Variants in QRICH2 observed in about 807,000 individuals in gnomAD.
QRICH2 encodes glutamine-rich protein 2.
A neutral mutation model predicts 168.3 loss-of-function variants in QRICH2; 119 were observed. The observed-to-expected ratio is 0.71, with a 90% confidence interval of 0.61 to 0.82. The LOEUF is 0.82. Ranked by LOEUF, QRICH2 falls within the 40% of genes least tolerant of loss-of-function variation. QRICH2 has a pLI of 0.00. For synonymous variants in QRICH2, 894 were observed against 951.2 expected (o/e 0.94, Z 1.11); for missense variants, 2,241 against 2,491.6 (o/e 0.90, Z 2.14).
At chr17:76,277,054 G>T in intron 16 of QRICH2, 109 bp downstream of exon 16, 2 of 1,205,900 alleles carry the variant, frequency 1.7e-6, no homozygotes, top group Non-Finnish European at 2.3e-6. Context: ...TTAAGGAATT[G>T]CCTCAAGGCA....
chr17:76,305,019 GCA>G (rs113070211), intron 1 of QRICH2, 78 bp from the exon 2 acceptor site: 10 of 923,700 alleles, frequency 1.1e-5, no homozygotes, highest in Middle Eastern at 2.1e-4. Flanking sequence ...ACACAGATGC[GCA>G]CACACACTCT....
In QRICH2 at chr17:76,292,851, CCA is replaced by C; in HGVS notation, c.1874_1875del (p.Met625ArgfsTer10). On this transcript the variant is annotated frameshift_variant, in exon 4 of 19. Transcript: ENST00000680821. LOFTEE classifies it high-confidence loss of function. ...CCAGGTTGGGCCAAACCAGACTGAT[CCA>C]TTCCAGGCCAGACCAAACCACGCTG... is the stretch of plus-strand genomic sequence containing the variant. ...ADQRGLVWPG[M>X]DQSGLAQPGR... 6.2e-7 allele frequency: 1 copy of C among 1,603,496 alleles called. No homozygotes were observed. Among genetic ancestry groups the C allele is most frequent in the African/African-American group, 1.5e-5 (1 of 66,314 alleles).
Position 76,282,038 on chromosome 17 carries a change from G to A in QRICH2, c.4089C>T (p.His1363=), listed in dbSNP as rs766772817. 1.9e-6 allele frequency: 3 copies of A among 1,613,702 alleles called. No individual in the cohort carries two copies. Among genetic ancestry groups the A allele is most frequent in the Non-Finnish European group, 2.5e-6 (3 of 1,179,802 alleles). Residue 1363 remains histidine (H), a synonymous_variant, in exon 8 of 19, where the codon CAC becomes CAT. Coordinates refer to ENST00000680821, the MANE Select transcript of QRICH2 (RefSeq NM_001388453.1). ...STLLSMSMAP[H]KAHTLAPGQI... The stretch of plus-strand genomic sequence containing the variant: ...GGCCAGGAGCCAAGGTGTGGGCCTT[G>A]TGCGGGGCCATGCTCATGGACAGGA...
At chr17:76,282,197 CTGTG>C in intron 7 of QRICH2, 82 bp from the exon 8 acceptor site, 1 of 1,482,428 alleles carries the variant, frequency 6.7e-7, no homozygotes, top group African/African-American at 1.4e-5. Flanking sequence ...TGCCCCTAGC[CTGTG>C]TGCCTCTCCC....
In QRICH2 at chr17:76,280,806, T is replaced by A. The variant is rs1353538211; in HGVS notation, c.4386+25A>T. On this transcript the variant is annotated intron_variant, in intron 9 of 18. Transcript: ENST00000680821. The surrounding 1 kb of genome is among the most constrained non-coding windows in gnomAD (Gnocchi z 7.4). ...GGCACCACATTGAGCCCCGGCCCCA[T>A]CCCAGCCACCCTGCGGCCGCTCACA... is the stretch of plus-strand genomic sequence containing the variant. 6.2e-7 allele frequency: 1 copy of A among 1,613,976 alleles called. No homozygotes were observed.
At chr17:76,295,171 A>G (rs1313946607) in intron 3 of QRICH2, among the ~76,000 whole-genome samples, 1 of 152,002 alleles carries the variant, frequency 6.6e-6, no homozygotes, top group Non-Finnish European at 1.5e-5. Context: ...AGTCATGAGA[A>G]TCGCCTGAAC....
In QRICH2 at chr17:76,287,694, ACAGTGGT is replaced by A. The variant is rs1434188663; in HGVS notation, c.3896+99_3896+105del. The stretch of plus-strand genomic sequence containing the variant: ...AGAGCAGACACAATCCAGGTCAAAG[ACAGTGGT>A]CCATTCAGGGGCATAAGGGAGCCAC... On this transcript the variant is annotated intron_variant, in intron 6 of 18. Transcript: ENST00000680821. The A allele has an allele frequency of 6.2e-6, 5 of 809,302 alleles. No individual in the cohort carries two copies. In the African/African-American group the frequency reaches 6.7e-5, roughly 11 times the overall value. 50.1% of individuals were successfully genotyped at this position (809,302 alleles called of 1,614,324 possible).
chr17:76,305,828 T>C (rs975360201), intron 1 of QRICH2, among the ~76,000 whole-genome samples: 1 of 152,150 alleles, frequency 6.6e-6, no homozygotes, highest in African/African-American at 2.4e-5. Context: ...TAAAACAAGT[T>C]ACTTTTTATA....
chr17:76,292,392 GC>G lies in QRICH2; in HGVS notation c.2334del (p.Gln778HisfsTer19). On this transcript the variant is annotated frameshift_variant, in exon 4 of 19. Transcript: ENST00000680821. LOFTEE classifies it high-confidence loss of function. ...QHGLVQPGVD[Q>X]HGLAQPGEVQ... ...ACTTCACCAGGTTGTGCCAAACCAT[GC>G]TGATCCACTCCAGGTTGGACCAAAC... is the stretch of plus-strand genomic sequence containing the variant. 6.2e-7 allele frequency: 1 copy of G among 1,611,180 alleles called. No homozygotes were observed. Among genetic ancestry groups the G allele is most frequent in the Non-Finnish European group, 8.5e-7 (1 of 1,178,482 alleles).
At chr17:76,310,882 A>C (rs1057409853), upstream of QRICH2, 5 of 151,954 alleles carry the variant, frequency 3.3e-5, no homozygotes, top group African/African-American at 1.2e-4. Flanking sequence ...CACAGACCTG[A>C]CTGCTGTTCT....
chr17:76,308,387 C>T (rs2071023741), upstream of QRICH2: 1 of 985,320 alleles, frequency 1.0e-6, no homozygotes, highest in Non-Finnish European at 1.2e-6. Context: ...CAAGGGGAGC[C>T]TTGGCAACGG....
chr17:76,304,514 G>A lies in QRICH2; in HGVS notation c.606C>T (p.Ser202=). The A allele has an allele frequency of 6.2e-7, 1 of 1,611,788 alleles. No homozygotes were observed. Among genetic ancestry groups the A allele is most frequent in the South Asian group, 1.1e-5 (1 of 90,910 alleles). The stretch of plus-strand genomic sequence containing the variant: ...CACCAGGAACCAAACTCAGCTTCCG[G>A]CTGACTAGTTCCTGACAGTGACAGA... The part of the protein sequence containing the change: ...KDREQFLELV[S]RKLSLVPGAE... Residue 202 remains serine, a synonymous_variant, in exon 3 of 19, where the codon AGC becomes AGT. Transcript: ENST00000680821.
intron 2 of QRICH2, 45 bp downstream of exon 2, chr17:76,304,837 C>T (rs757511386): frequency 2.8e-6 from 4 of 1,415,408 alleles, no homozygotes; most frequent in East Asian, 2.3e-5. Flanking sequence ...TGAGAGACGG[C>T]CAGCCCCCTG....
Position 76,293,225 on chromosome 17 carries a change from C to T in QRICH2, c.1502G>A (p.Gly501Asp). 1.9e-6 allele frequency: 3 copies of T among 1,614,048 alleles called. No homozygotes were observed. Among genetic ancestry groups the T allele is most frequent in the Non-Finnish European group, 2.5e-6 (3 of 1,180,034 alleles). The change falls in exon 4 of 19, where the codon GGT becomes GAT. Residue 501 changes from glycine (G) to aspartate (D), a missense_variant. Around this residue, in one of 3 missense-constraint regions of QRICH2, gnomAD observed 2,047 missense variants for 2,303.8 expected, o/e 0.89. Transcript: ENST00000680821. ...ACCAGGGGGTACTAGTCCTTGCTGACCCATGCCTGATATTACACATCCACG... is the reference window on the plus strand; with the variant it reads ...ACCAGGGGGTACTAGTCCTTGCTGATCCATGCCTGATATTACACATCCACG... ...DQRGCVISGM[G>D]QQGLVPPGID...
Position 76,287,303 on chromosome 17 carries a change from G to A in QRICH2, c.3900C>T (p.Val1300=). 1 of 1,611,854 alleles carries A rather than the reference G, an allele frequency of 6.2e-7. No individual in the cohort carries two copies. Among genetic ancestry groups the A allele is most frequent in the East Asian group, 2.2e-5 (1 of 44,874 alleles). Residue 1300 remains valine (V), a synonymous_variant, in exon 7 of 19, where the codon GTC becomes GTT. Coordinates refer to ENST00000680821, the MANE Select transcript of QRICH2 (RefSeq NM_001388453.1). ...GCTCCTTTTCTATGTCAGCCACGGT[G>A]ACTCTGTGGTGCACGATGAGAGACT... ...ELRLQLGVLR[V]TVADIEKELA...
chr17:76,308,546 C>G (rs1195382476), upstream of QRICH2: 30 of 958,448 alleles, frequency 3.1e-5, no homozygotes, highest in Non-Finnish European at 3.7e-5. Context: ...TGCGTCCATT[C>G]CAGAGTGGTG....
intron 6 of QRICH2, among the ~76,000 whole-genome samples, 178 bp downstream of exon 6, chr17:76,287,622 C>G (rs546734845): frequency 7.9e-5 from 12 of 152,226 alleles, no homozygotes; most frequent in African/African-American, 2.4e-4. Context: ...GCTTTGGGAA[C>G]CTGGGGAACT....
In QRICH2 at chr17:76,281,791, G is replaced by A; in HGVS notation, c.4263+73C>T. On this transcript the variant is annotated intron_variant, in intron 8 of 18. Coordinates refer to ENST00000680821, the MANE Select transcript of QRICH2 (RefSeq NM_001388453.1). This position sits in a 1 kb window ranked among gnomAD's most constrained non-coding sequence, Gnocchi z 4.4. ...CCAAACACCCGCCCCACTTCTGTGG[G>A]TCTGCAGCAGGGTGGCCCTCCTCTG... The A allele has an allele frequency of 6.4e-7, 1 of 1,568,438 alleles. No individual in the cohort carries two copies. Among genetic ancestry groups the A allele is most frequent in the South Asian group, 1.2e-5 (1 of 86,604 alleles).
rs779501418 is a variant in QRICH2, at chr17:76,292,526, C to G, written c.2201G>C (p.Gly734Ala). The G allele has an allele frequency of 6.2e-7, 1 of 1,604,446 alleles. No individual in the cohort carries two copies. The highest frequency in any genetic ancestry group is 1.7e-5 in the Admixed American group (1 of 59,358). ...GAVQHGLVQP[G>A]VDQRGLAQPR... ...TTGTGCCAAACCACGCTGATCTACT[C>G]CAGGTTGGACCAAACCATGCTGAAC... Residue 734 changes from glycine to alanine, a missense_variant, in exon 4 of 19, where the codon GGA becomes GCA. Transcript: ENST00000680821.
Sources: gnomAD v4.1 joint callset for allele counts (sites outside exome capture counted in the v4.1 genomes callset) on GRCh38, gnomAD v4.1.1 for gene constraint, gnomAD v4.1.1 regional missense constraint, Gnocchi (gnomAD v3.1) non-coding constraint, MANE v1.5 for transcripts, NCBI Gene and HGNC (gene_info 2026-07-23, HGNC 2026-07-21) for gene names.